Variants in GASK1A observed in about 807,000 individuals in gnomAD.
GASK1A encodes golgi associated kinase 1A.
In GASK1A, 40 loss-of-function variants were observed where a neutral mutation model predicts 41.2. That is an observed-to-expected ratio of 0.97 (90% CI 0.75 to 1.27). The LOEUF (loss-of-function observed/expected upper bound fraction) is 1.27, where lower values mean the gene tolerates loss of function less well. Ranked by LOEUF, GASK1A falls within the 50% of genes most tolerant of loss-of-function variation. The pLI is 0.00. For missense variants in GASK1A, 678 were observed against 745.1 expected (o/e 0.91, Z 1.05); for synonymous variants, 316 against 307.1 (o/e 1.03, Z -0.30).
intron 2 of GASK1A, chr3:43,037,361 T>A: frequency 1.1e-6 from 1 of 941,230 alleles, no homozygotes; most frequent in Non-Finnish European, 1.8e-6. Flanking sequence ...AAATGTGCAA[T>A]ACAAATCCTC....
intron 1 of GASK1A, among the ~76,000 whole-genome samples, chr3:43,014,619 G>T (rs560256024): frequency 6.6e-6 from 1 of 151,978 alleles, no homozygotes; most frequent in Non-Finnish European, 1.5e-5. Context: ...TCGCAGTATG[G>T]GACAGTGGGA....
At chr3:43,014,186 G>A (rs992850852) in intron 1 of GASK1A, among the ~76,000 whole-genome samples, 3 of 151,912 alleles carry the variant, frequency 2.0e-5, no homozygotes, top group Admixed American at 1.3e-4. Context: ...ACAGGAAGGG[G>A]CTGTGTGAAG....
intron 1 of GASK1A, among the ~76,000 whole-genome samples, chr3:42,988,261 G>A (rs775850333): frequency 6.6e-6 from 1 of 152,152 alleles, no homozygotes; most frequent in African/African-American, 2.4e-5. Flanking sequence ...AGTGGCCGCG[G>A]GAAGGGGCTG....
intron 2 of GASK1A, among the ~76,000 whole-genome samples, chr3:43,034,989 G>A (rs561481180): frequency 2.0e-5 from 3 of 152,158 alleles, no homozygotes; most frequent in African/African-American, 4.8e-5. Flanking sequence ...ATCTCCTGTC[G>A]TCCTCCCAGC....
rs2089581188 is a variant in GASK1A at position 43,032,454 on chromosome 3, T to G, written c.191T>G (p.Leu64Trp). 6.4e-7 allele frequency: 1 copy of G among 1,551,114 alleles called. No individual in the cohort carries two copies. The highest frequency in any genetic ancestry group is 1.2e-5 in the South Asian group (1 of 84,044). Reference protein sequence around the residue: ...GAPATHIRQALSSSRRQRARN... With the variant: ...GAPATHIRQAWSSSRRQRARN... Reference sequence around the variant, plus strand: ...CCTGCAACCCATATCCGGCAGGCTTTGAGCTCCAGCCGGAGGCAGCGGGCA... The same window carrying G: ...CCTGCAACCCATATCCGGCAGGCTTGGAGCTCCAGCCGGAGGCAGCGGGCA... The change falls in exon 2 of 5, where the codon TTG (leucine) becomes TGG (tryptophan). Residue 64 changes from leucine (L) to tryptophan (W), a missense_variant. Leu to Trp is a moderately conservative substitution (Grantham distance 61). Coordinates refer to ENST00000430121, the MANE Select transcript of GASK1A (RefSeq NM_001129908.3).
intron 1 of GASK1A, among the ~76,000 whole-genome samples, chr3:42,993,724 G>A (rs555005894): frequency 1.3e-5 from 2 of 152,190 alleles, no homozygotes; most frequent in Admixed American, 6.5e-5. Context: ...CTACTCCACG[G>A]CCATTAAAAA....
At chr3:43,030,699 C>G (rs1160495486) in intron 1 of GASK1A, among the ~76,000 whole-genome samples, 1 of 152,246 alleles carries the variant, frequency 6.6e-6, no homozygotes, top group Non-Finnish European at 1.5e-5. Flanking sequence ...TGATTTATCA[C>G]AAGCCCATGC....
At chr3:42,987,700 A>T (rs539725974) in intron 1 of GASK1A, among the ~76,000 whole-genome samples, 3 of 152,234 alleles carry the variant, frequency 2.0e-5, no homozygotes, top group African/African-American at 7.2e-5. Flanking sequence ...GATAATCACA[A>T]GAGTAGGATA....
Position 43,021,739 on chromosome 3 carries a change from C to T in GASK1A, c.4-10528C>T, listed in dbSNP as rs144777768. On this transcript the variant is annotated intron_variant, in intron 1 of 4. Coordinates refer to ENST00000430121, the MANE Select transcript of GASK1A (RefSeq NM_001129908.3). ...AGGTTGTGTGACTTGCCTATTGTAA[C>T]GCAGCTCAGAAGGGCAGAAGCAGAA... 4.8e-3 allele frequency among the ~76,000 whole-genome samples: 726 copies of T among 152,282 alleles called. 8 individuals are homozygous for T. The highest frequency in any genetic ancestry group is 0.016 in the African/African-American group (685 of 41,542).
intron 1 of GASK1A, among the ~76,000 whole-genome samples, chr3:43,008,537 A>G (rs576732585): frequency 6.6e-6 from 1 of 152,334 alleles, no homozygotes; most frequent in East Asian, 1.9e-4. Flanking sequence ...TGAAGGAAAA[A>G]GGAAAGATTT....
intron 2 of GASK1A, among the ~76,000 whole-genome samples, chr3:43,040,831 A>G (rs1229998368): frequency 2.0e-5 from 3 of 146,728 alleles, no homozygotes; most frequent in Non-Finnish European, 4.5e-5. Flanking sequence ...CGCTGCACCC[A>G]CTAACTTGTC....
At chr3:43,056,040 G>A (rs946574734) in intron 4 of GASK1A, 136 bp from the exon 5 acceptor site, 5 of 680,174 alleles carry the variant, frequency 7.4e-6, no homozygotes, top group Non-Finnish European at 1.0e-5. Flanking sequence ...GCAGGTCTGG[G>A]GAGTTTGCCA....
chr3:43,004,892 T>A (rs141973446), intron 1 of GASK1A, among the ~76,000 whole-genome samples: 172 of 152,260 alleles, frequency 1.1e-3, no homozygotes, highest in African/African-American at 3.9e-3. Context: ...CCAAAGTGAG[T>A]CTTATTTGGC....
intron 2 of GASK1A, among the ~76,000 whole-genome samples, chr3:43,048,039 A>G (rs73074922): frequency 0.022 from 3,394 of 152,330 alleles, 43 homozygotes; most frequent in Non-Finnish European, 0.023. Context: ...AAAAGATTCA[A>G]TGGGTTGCAA....
intron 2 of GASK1A, among the ~76,000 whole-genome samples, chr3:43,036,716 G>A (rs180746337): frequency 6.0e-4 from 92 of 152,272 alleles, no homozygotes; most frequent in Admixed American, 1.1e-3. Context: ...AAAGTAAACA[G>A]CCACGTTATG....
At chr3:43,041,206 G>A (rs1471819061) in intron 2 of GASK1A, among the ~76,000 whole-genome samples, 5 of 151,242 alleles carry the variant, frequency 3.3e-5, no homozygotes, top group African/African-American at 1.2e-4. Flanking sequence ...TGTCTTTATA[G>A]CAGCATGATT....
chr3:43,049,077 C>T (rs1444721425), intron 2 of GASK1A, among the ~76,000 whole-genome samples: 2 of 152,156 alleles, frequency 1.3e-5, no homozygotes, highest in Non-Finnish European at 2.9e-5. Context: ...GGAGCTTGGA[C>T]CCCATCCTCA....
intron 1 of GASK1A, among the ~76,000 whole-genome samples, chr3:43,016,824 C>A (rs2089493848): frequency 8.2e-6 from 1 of 121,406 alleles, no homozygotes; most frequent in Non-Finnish European, 1.8e-5. Flanking sequence ...GGGCCATAGG[C>A]AGTCATAGGA....
chr3:43,055,820 A>G (rs2089713286), intron 4 of GASK1A: 1 of 478,148 alleles, frequency 2.1e-6, no homozygotes, highest in Admixed American at 3.5e-5. Flanking sequence ...TGAGAGAGCT[A>G]GGCCAGAGAG....
Sources: gnomAD v4.1 joint callset for allele counts (sites outside exome capture counted in the v4.1 genomes callset) on GRCh38, gnomAD v4.1.1 for gene constraint, MANE v1.5 for transcripts, NCBI Gene and HGNC (gene_info 2026-07-23, HGNC 2026-07-21) for gene names.